Variants in ACAP1 observed in about 807,000 individuals in gnomAD.
The protein encoded by ACAP1 is ArfGAP with coiled-coil, ankyrin repeat and PH domains 1.
A neutral mutation model predicts 98.8 loss-of-function variants in ACAP1; 45 were observed. The ratio of observed to expected loss-of-function variants is 0.46; its 90% CI spans 0.36 to 0.58. The LOEUF is 0.58. Ranked by LOEUF, ACAP1 falls within the 20% of genes least tolerant of loss-of-function variation. ACAP1 has a pLI of 0.00. For missense variants in ACAP1, 735 were observed against 971.4 expected, an observed-to-expected ratio of 0.76 and a Z score of 3.24; for synonymous variants, 362 against 375.3, an observed-to-expected ratio of 0.96 and a Z score of 0.41.
Position 7,343,894 on chromosome 17 carries a change from T to C in ACAP1, c.607T>C (p.Phe203Leu), listed in dbSNP as rs1166010125. The change falls in exon 8 of 22, where the codon TTC becomes CTC. Residue 203 changes from phenylalanine to leucine, a missense_variant. By Grantham distance (22) the Phe-to-Leu change is conservative (BLOSUM62 0). This residue lies in a region of ACAP1 where 430 missense variants were observed against 531.8 expected (regional missense o/e 0.81). Transcript: ENST00000158762. The surrounding 1 kb of genome is among the most constrained non-coding windows in gnomAD (Gnocchi z 4.9). ...LRLVEAQATH[F>L]QQGHEELSRL... ...TTTGGTGGAGGCCCAGGCTACCCATTTCCAGCAGGGCCATGAGGAGCTGAG... is the reference window on the plus strand; with the variant it reads ...TTTGGTGGAGGCCCAGGCTACCCATCTCCAGCAGGGCCATGAGGAGCTGAG... 6.2e-7 allele frequency: 1 copy of C among 1,612,876 alleles called. No homozygotes were observed. The highest frequency in any genetic ancestry group is 1.1e-5 in the South Asian group (1 of 91,022).
intron 2 of ACAP1, among the ~76,000 whole-genome samples, chr17:7,341,651 T>C (rs1356389893): frequency 6.6e-6 from 1 of 151,650 alleles, no homozygotes; most frequent in African/African-American, 2.4e-5. Context: ...TATGTGCGAG[T>C]GGACAGGGAA....
In ACAP1 at chr17:7,343,974, A is replaced by G. The variant is rs369735227; in HGVS notation, c.669+18A>G. 6.3e-7 allele frequency: 1 copy of G among 1,578,026 alleles called. No homozygotes were observed. Among genetic ancestry groups the G allele is most frequent in the Non-Finnish European group, 8.6e-7 (1 of 1,161,224 alleles). On this transcript the variant is annotated intron_variant, in intron 8 of 21. Transcript: ENST00000158762. This position sits in a 1 kb window ranked among gnomAD's most constrained non-coding sequence, Gnocchi z 4.9. Reference sequence around the variant, plus strand: ...GCGCCCAGGTGGGGCCCCAGGGCACAGCAGGTGGTAGAGGGAGGTTAGGGA... The same window carrying G: ...GCGCCCAGGTGGGGCCCCAGGGCACGGCAGGTGGTAGAGGGAGGTTAGGGA...
chr17:7,349,574 A>G, intron 18 of ACAP1: 1 of 259,446 alleles, frequency 3.9e-6, no homozygotes, highest in Non-Finnish European at 7.4e-6. Flanking sequence ...ATAGGGTTTC[A>G]CCGTGTTAGC....
At position 7,350,638 on chromosome 17, in the gene ACAP1, T is replaced by C; in HGVS notation, c.2073-312T>C. Reference sequence around the variant, plus strand: ...TTTTTTTTTTTTTTGAGACGGAGTCTCACTCTGTCGCCCAGGCTAGAGTGC... The same window carrying C: ...TTTTTTTTTTTTTTGAGACGGAGTCCCACTCTGTCGCCCAGGCTAGAGTGC... On this transcript the variant is annotated intron_variant, in intron 20 of 21. Transcript: ENST00000158762. This position sits in a 1 kb window ranked among gnomAD's most constrained non-coding sequence, Gnocchi z 4.6. 2.6e-6 allele frequency: 1 copy of C among 378,322 alleles called. No homozygotes were observed. Among genetic ancestry groups the C allele is most frequent in the Non-Finnish European group, 4.8e-6 (1 of 208,188 alleles). 23.4% of individuals were successfully genotyped at this position (378,322 alleles called of 1,614,324 possible).
chr17:7,340,828 G>A (rs947452969), intron 2 of ACAP1, among the ~76,000 whole-genome samples: 2 of 152,076 alleles, frequency 1.3e-5, no homozygotes, highest in Non-Finnish European at 2.9e-5. Flanking sequence ...CTTGGGCAAC[G>A]GAGCAAAACT....
chr17:7,338,535 T>C (rs916582063), intron 2 of ACAP1, among the ~76,000 whole-genome samples: 1 of 152,058 alleles, frequency 6.6e-6, no homozygotes, highest in African/African-American at 2.4e-5. Context: ...AGTGCTGGCA[T>C]TACAGGCTTA....
At chr17:7,349,261 G>T in intron 18 of ACAP1, 94 bp downstream of exon 18, 1 of 1,363,604 alleles carries the variant, frequency 7.3e-7, no homozygotes, top group South Asian at 1.3e-5. Context: ...CCCACCACCT[G>T]TTCCCTAGGG....
At position 7,346,897 on chromosome 17, in the gene ACAP1, C is replaced by T; in HGVS notation, c.1097C>T (p.Ala366Val). 1.2e-6 allele frequency: 2 copies of T among 1,613,226 alleles called. No homozygotes were observed. The highest frequency in any genetic ancestry group is 1.7e-6 in the Non-Finnish European group (2 of 1,179,266). The change falls in exon 13 of 22, where the codon GCT becomes GTT. Residue 366 changes from alanine (A) to valine (V), a missense_variant. Physicochemically the swap from Ala to Val is moderately conservative, Grantham distance 64. Transcript: ENST00000158762. ...AGCATTGCTTCTGCCTTCAGTCAGG[C>T]TCGCCTTGATGACAGCCCCCGGGGT... The part of the protein sequence containing the change: ...QSSIASAFSQ[A>V]RLDDSPRGPG...
intron 14 of ACAP1, 72 bp from the exon 15 acceptor site, chr17:7,347,850 C>T (rs1482922534): frequency 7.4e-7 from 1 of 1,350,620 alleles, no homozygotes; most frequent in East Asian, 2.3e-5. Flanking sequence ...CCAGTGTCTT[C>T]AGGAGCAGCA....
At chr17:7,336,915 G>A in intron 1 of ACAP1, 128 bp downstream of exon 1, 1 of 975,072 alleles carries the variant, frequency 1.0e-6, no homozygotes, top group Non-Finnish European at 1.6e-6. Flanking sequence ...GAGCCTGTGG[G>A]CCAAAGTGGT....
rs2073399595 is a variant in ACAP1 at position 7,350,770 on chromosome 17, C to T, written c.2073-180C>T. 3.5e-6 allele frequency: 2 copies of T among 578,158 alleles called. No homozygotes were observed. Among genetic ancestry groups the T allele is most frequent in the Non-Finnish European group, 6.1e-6 (2 of 325,708 alleles). The allele number at this position is 578,158 out of a possible 1,614,324, so 35.8% of individuals were successfully genotyped here. A position where few individuals can be genotyped will look rare whatever the true frequency, so the allele number is the denominator to read the frequency against. Reference sequence around the variant, plus strand: ...GGACTACAGGCGTGCGCCACCACCCCCGGCTAATTTTTTGTATTTTTAGTA... The same window carrying T: ...GGACTACAGGCGTGCGCCACCACCCTCGGCTAATTTTTTGTATTTTTAGTA... On this transcript the variant is annotated intron_variant, in intron 20 of 21. Transcript: ENST00000158762. This position sits in a 1 kb window ranked among gnomAD's most constrained non-coding sequence, Gnocchi z 4.6.
In ACAP1 at chr17:7,349,170, A is replaced by G. The variant is rs1400998360; in HGVS notation, c.1851+3A>G. 1.2e-6 allele frequency: 2 copies of G among 1,613,748 alleles called. No individual in the cohort carries two copies. Among genetic ancestry groups the G allele is most frequent in the Admixed American group, 3.3e-5 (2 of 59,980 alleles). Reference sequence around the variant, plus strand: ...CGCTGATCCAGGCCACAGCTGCTGTAAGAGCCCTGCTGACCTCTCCACCCC... The same window carrying G: ...CGCTGATCCAGGCCACAGCTGCTGTGAGAGCCCTGCTGACCTCTCCACCCC... On this transcript the variant is annotated splice_donor_region_variant and intron_variant, in intron 18 of 21. Coordinates refer to ENST00000158762, the MANE Select transcript of ACAP1 (RefSeq NM_014716.4).
rs754550976 is a variant in ACAP1 at position 7,343,390 on chromosome 17, G to C, written c.356G>C (p.Gly119Ala). 2 of 1,612,950 alleles carry C rather than the reference G, an allele frequency of 1.2e-6. No individual in the cohort carries two copies. The highest frequency in any genetic ancestry group is 3.3e-5 in the Admixed American group (2 of 59,924). ...IQTLVKEGLR[G>A]FREARRDFWR... ...TTTCCCATCCTCAGAGGTCTGCGGG[G>C]TTTCCGAGAGGCTCGCCGGGATTTC... The change falls in exon 6 of 22, where the codon GGT (glycine) becomes GCT (alanine). Residue 119 changes from glycine (G) to alanine (A), a missense_variant. Physicochemically the swap from Gly to Ala is moderately conservative, Grantham distance 60. This residue lies in a region of ACAP1 where 430 missense variants were observed against 531.8 expected (regional missense o/e 0.81). Coordinates refer to ENST00000158762, the MANE Select transcript of ACAP1 (RefSeq NM_014716.4). The surrounding 1 kb of genome is among the most constrained non-coding windows in gnomAD (Gnocchi z 4.9).
At position 7,350,668 on chromosome 17, in the gene ACAP1, G is replaced by A. The variant is rs2073397897; in HGVS notation, c.2073-282G>A. ...CTGTCGCCCAGGCTAGAGTGCAGGG[G>A]CGCGATCTCGGCTCACTGCAACCCC... On this transcript the variant is annotated intron_variant, in intron 20 of 21. Coordinates refer to ENST00000158762, the MANE Select transcript of ACAP1 (RefSeq NM_014716.4). The surrounding 1 kb of genome is among the most constrained non-coding windows in gnomAD (Gnocchi z 4.6). The A allele has an allele frequency of 1.8e-5, 8 of 454,732 alleles. No homozygotes were observed. In the South Asian group the frequency reaches 1.8e-4, roughly 10 times the overall value. 28.2% of individuals were successfully genotyped at this position (454,732 alleles called of 1,614,324 possible).
chr17:7,347,660 C>T (rs2073360180), intron 14 of ACAP1: 4 of 576,516 alleles, frequency 6.9e-6, no homozygotes, highest in Non-Finnish European at 1.2e-5. Context: ...ACAAGTGTCA[C>T]TAGAGAAGGG....
chr17:7,339,123 T>C lies in ACAP1; in HGVS notation c.111+1754T>C, dbSNP rs540473570. 3.1e-4 allele frequency among the ~76,000 whole-genome samples: 46 copies of C among 149,932 alleles called. 1 individual carries two copies. The South Asian group carries it at 8.6e-3, about 28-fold the overall frequency. ...GGCTAACACTGTGAAACCCCGTCTC[T>C]ACTAAAAATACAAAAAATTATTCGG... On this transcript the variant is annotated intron_variant, in intron 2 of 21. Transcript: ENST00000158762.
At position 7,344,784 on chromosome 17, in the gene ACAP1, AGAG is replaced by A; in HGVS notation, c.854+139_854+141del. The A allele has an allele frequency of 1.5e-6, 1 of 648,994 alleles. No individual in the cohort carries two copies. Among genetic ancestry groups the A allele is most frequent in the African/African-American group, 1.8e-5 (1 of 55,176 alleles). 40.2% of individuals were successfully genotyped at this position (648,994 alleles called of 1,614,324 possible). On this transcript the variant is annotated intron_variant, in intron 10 of 21. Transcript: ENST00000158762. This position sits in a 1 kb window ranked among gnomAD's most constrained non-coding sequence, Gnocchi z 4.9. ...AGAGTTTCATTCCATCAGCAAAGAC[AGAG>A]GATAAACCTAGTATGTAAATTACGT... is the stretch of plus-strand genomic sequence containing the variant.
rs2073344393 is a variant in ACAP1 at position 7,346,226 on chromosome 17, G to A, written c.855-18G>A. 1 of 1,613,098 alleles carries A rather than the reference G, an allele frequency of 6.2e-7. No individual in the cohort carries two copies. The highest frequency in any genetic ancestry group is 8.5e-7 in the Non-Finnish European group (1 of 1,179,286). On this transcript the variant is annotated intron_variant, in intron 10 of 21. Coordinates refer to ENST00000158762, the MANE Select transcript of ACAP1 (RefSeq NM_014716.4). ...TCCTAAAGCTGCCTATGTCTGTAAT[G>A]ATTTCCTTCTCTTACAGACGCTGGT...
intron 2 of ACAP1, among the ~76,000 whole-genome samples, chr17:7,339,066 G>C (rs879385122): frequency 6.6e-6 from 1 of 151,522 alleles, no homozygotes; most frequent in African/African-American, 2.4e-5. Flanking sequence ...CAAGGTGGGC[G>C]GATCACGAGG....
Sources: gnomAD v4.1 joint callset for allele counts (sites outside exome capture counted in the v4.1 genomes callset) on GRCh38, gnomAD v4.1.1 for gene constraint, gnomAD v4.1.1 regional missense constraint, Gnocchi (gnomAD v3.1) non-coding constraint, MANE v1.5 for transcripts, NCBI Gene and HGNC (gene_info 2026-07-23, HGNC 2026-07-21) for gene names.